The following LAMA2 variants were observed in gnomAD, a reference collection of about 807,000 sequenced individuals.
LAMA2 encodes laminin subunit alpha 2.
In LAMA2, 269 loss-of-function variants were observed where a neutral mutation model predicts 364.8. The ratio of observed to expected loss-of-function variants is 0.74; its 90% CI spans 0.67 to 0.82. LAMA2 has a LOEUF of 0.82. Among genes scored for constraint, LAMA2 ranks in the 40% least tolerant of loss-of-function variants. The pLI is 0.00. For synonymous variants in LAMA2, 1,379 were observed against 1,370.6 expected (o/e 1.01, Z -0.14); for missense variants, 3,807 against 3,873.2 (o/e 0.98, Z 0.45).
intron 37 of LAMA2, among the ~76,000 whole-genome samples, chr6:129,399,787 G>A (rs979085410): frequency 2.0e-5 from 3 of 152,166 alleles, no homozygotes; most frequent in African/African-American, 7.2e-5. Context: ...GAATTGGTCG[G>A]TGAAGGGAAG....
At chr6:129,446,141 T>C (rs1209455019) in intron 45 of LAMA2, among the ~76,000 whole-genome samples, 1 of 151,550 alleles carries the variant, frequency 6.6e-6, no homozygotes, top group Non-Finnish European at 1.5e-5. Flanking sequence ...TAAAAAGCCA[T>C]GGATGAGAGT....
Position 128,883,323 on chromosome 6 carries a change from G to A in LAMA2, c.78G>A (p.Gln26=). 6.3e-7 allele frequency: 1 copy of A among 1,598,082 alleles called. No homozygotes were observed. Among genetic ancestry groups the A allele is most frequent in the Non-Finnish European group, 8.5e-7 (1 of 1,172,756 alleles). Residue 26 remains glutamine (Q), a synonymous_variant, in exon 1 of 65, where the codon CAG becomes CAA. Coordinates refer to ENST00000421865, the MANE Select transcript of LAMA2 (RefSeq NM_000426.4). ...GLGGVQAQRP[Q]QQRQSQAHQQ... is the part of the protein sequence containing the mutation. ...GGGGCGTACAGGCGCAGCGGCCGCAGCAGCAGCGGCAGTCACAGGCACATC... is the reference window on the plus strand; with the variant it reads ...GGGGCGTACAGGCGCAGCGGCCGCAACAGCAGCGGCAGTCACAGGCACATC...
rs116780992 is a variant in LAMA2, at chr6:129,434,498, G to A, written c.5969-4148G>A. 2.7e-3 allele frequency among the ~76,000 whole-genome samples: 404 copies of A among 152,214 alleles called. 2 individuals carry two copies. The highest frequency in any genetic ancestry group is 8.0e-3 in the African/African-American group (331 of 41,528). On this transcript the variant is annotated intron_variant, in intron 41 of 64. Coordinates refer to ENST00000421865, the MANE Select transcript of LAMA2 (RefSeq NM_000426.4). ...TAGGCTTCTGTTATTGGGTTTGAGA[G>A]CTGAAGGAATAAGGAGAGGGAATCT...
At chr6:129,150,775 C>T (rs552566023) in intron 7 of LAMA2, among the ~76,000 whole-genome samples, 47 of 152,218 alleles carry the variant, frequency 3.1e-4, no homozygotes, top group African/African-American at 1.1e-3. Flanking sequence ...ATAAAAATCA[C>T]ACTTTCAGCA....
At chr6:129,156,924 C>G (rs1362370328) in intron 8 of LAMA2, among the ~76,000 whole-genome samples, 2 of 152,060 alleles carry the variant, frequency 1.3e-5, no homozygotes, top group African/African-American at 4.8e-5. Context: ...CAATATCTTC[C>G]TGTGCATGCA....
At chr6:129,175,419 CATAAG>C (rs1391867426) in intron 9 of LAMA2, among the ~76,000 whole-genome samples, 2 of 152,138 alleles carry the variant, frequency 1.3e-5, no homozygotes, top group African/African-American at 4.8e-5. Flanking sequence ...TAATGACTAC[CATAAG>C]ATAAGTGCTA....
At chr6:129,161,858 T>C (rs1562287949) in intron 8 of LAMA2, among the ~76,000 whole-genome samples, 1 of 152,216 alleles carries the variant, frequency 6.6e-6, no homozygotes. Context: ...CTGTGTAGTA[T>C]TCCATGGTGT....
chr6:129,220,207 A>G (rs529048457), intron 12 of LAMA2, among the ~76,000 whole-genome samples: 1 of 152,300 alleles, frequency 6.6e-6, no homozygotes, highest in South Asian at 2.1e-4. Flanking sequence ...CATATTTTTA[A>G]CTAAATGAAG....
intron 40 of LAMA2, among the ~76,000 whole-genome samples, chr6:129,424,203 C>T (rs1354224662): frequency 6.6e-6 from 1 of 151,924 alleles, no homozygotes. Context: ...CTGTATCTTG[C>T]ACCATATTCC....
chr6:129,498,472 A>G (rs991898825), intron 58 of LAMA2, among the ~76,000 whole-genome samples: 1 of 152,220 alleles, frequency 6.6e-6, no homozygotes, highest in Non-Finnish European at 1.5e-5. Flanking sequence ...ATTACTGTAA[A>G]TGCCCAAGAC....
chr6:129,408,306 T>C (rs1780349457), intron 40 of LAMA2, among the ~76,000 whole-genome samples: 1 of 152,110 alleles, frequency 6.6e-6, no homozygotes, highest in South Asian at 2.1e-4. Flanking sequence ...TAGTTGGCAT[T>C]GTAATTATGA....
At chr6:128,885,328 C>G (rs1037540179) in intron 1 of LAMA2, among the ~76,000 whole-genome samples, 32 of 152,164 alleles carry the variant, frequency 2.1e-4, no homozygotes, top group Non-Finnish European at 4.6e-4. Context: ...TGTACACGAT[C>G]TTTATTCACC....
rs551434953 is a variant in LAMA2 at position 129,279,805 on chromosome 6, C to T, written c.2451-256C>T. ...TTCCACTTGTTACTGATGATCACTA[C>T]TCAGAGCAGTCGAAAGTCAGTTAAT... On this transcript the variant is annotated intron_variant, in intron 17 of 64. Transcript: ENST00000421865. Among the ~76,000 whole-genome samples the T allele has an allele frequency of 6.3e-4, 96 of 152,296 alleles. 1 individual carries two copies. The highest frequency in any genetic ancestry group is 2.3e-3 in the African/African-American group (95 of 41,564).
chr6:129,445,930 C>T (rs1298047680), intron 45 of LAMA2, 109 bp downstream of exon 45: 45 of 1,121,056 alleles, frequency 4.0e-5, no homozygotes, highest in Non-Finnish European at 5.3e-5. Context: ...GGGTCCTTTT[C>T]CTTTAACTCG....
chr6:129,217,542 T>C (rs1783505941), intron 12 of LAMA2, among the ~76,000 whole-genome samples: 2 of 152,184 alleles, frequency 1.3e-5, no homozygotes, highest in Admixed American at 1.3e-4. Flanking sequence ...CTCCTATAAA[T>C]AGTGCTTTCA....
At chr6:128,994,624 C>T (rs1214506913) in intron 1 of LAMA2, among the ~76,000 whole-genome samples, 2 of 151,986 alleles carry the variant, frequency 1.3e-5, no homozygotes, top group Non-Finnish European at 2.9e-5. Context: ...CACAGGAATC[C>T]TGAGTACATA....
chr6:129,393,868 T>C (rs1269010813), intron 37 of LAMA2, among the ~76,000 whole-genome samples: 1 of 152,162 alleles, frequency 6.6e-6, no homozygotes, highest in Non-Finnish European at 1.5e-5. Flanking sequence ...CTATGCGCTG[T>C]GTTCTATGCA....
At chr6:128,948,454 A>G (rs1216801592) in intron 1 of LAMA2, among the ~76,000 whole-genome samples, 2 of 152,148 alleles carry the variant, frequency 1.3e-5, no homozygotes, top group African/African-American at 2.4e-5. Context: ...CAAGACTATC[A>G]CTACCACTTC....
At chr6:128,916,769 G>T (rs1343287604) in intron 1 of LAMA2, among the ~76,000 whole-genome samples, 1 of 152,192 alleles carries the variant, frequency 6.6e-6, no homozygotes, top group African/African-American at 2.4e-5. Context: ...GGCTAGAGGT[G>T]AGTCTTAACC....
Sources: gnomAD v4.1 joint callset for allele counts (sites outside exome capture counted in the v4.1 genomes callset) on GRCh38, gnomAD v4.1.1 for gene constraint, MANE v1.5 for transcripts, NCBI Gene and HGNC (gene_info 2026-07-23, HGNC 2026-07-21) for gene names.